Variants in FAR1 observed in about 807,000 individuals in gnomAD.
FAR1 encodes fatty acyl-CoA reductase 1, also known as male sterility domain-containing protein 2.
FAR1 carries 22 observed loss-of-function variants against 61.1 expected under a neutral mutation model. The ratio of observed to expected loss-of-function variants is 0.36; its 90% CI spans 0.26 to 0.51. FAR1 has a LOEUF of 0.51. Ranked by LOEUF, FAR1 falls within the 20% of genes least tolerant of loss-of-function variation. The pLI, the probability that FAR1 is intolerant of heterozygous loss-of-function variation, is 0.95. For missense variants in FAR1, 359 were observed against 626.9 expected (o/e 0.57, Z 4.56); for synonymous variants, 206 against 209.7 (o/e 0.98, Z 0.15).
At chr11:13,717,584 G>A (rs967609799) in intron 9 of FAR1, among the ~76,000 whole-genome samples, 21 of 152,148 alleles carry the variant, frequency 1.4e-4, no homozygotes, top group Non-Finnish European at 2.9e-5. Context: ...TGGGCTCTGT[G>A]TGCAGCCAAG....
intron 9 of FAR1, among the ~76,000 whole-genome samples, chr11:13,718,598 A>G (rs1197006937): frequency 6.6e-6 from 1 of 152,200 alleles, no homozygotes; most frequent in Non-Finnish European, 1.5e-5. Context: ...GGTTTTTATT[A>G]TAGCAGCCCC....
At chr11:13,715,169 A>G (rs897619948) in intron 9 of FAR1, among the ~76,000 whole-genome samples, 1 of 152,162 alleles carries the variant, frequency 6.6e-6, no homozygotes, top group African/African-American at 2.4e-5. Flanking sequence ...CAGTAAATAC[A>G]CTATGTATTG....
intron 1 of FAR1, among the ~76,000 whole-genome samples, chr11:13,672,339 C>T (rs1848014620): frequency 6.8e-6 from 1 of 146,312 alleles, no homozygotes; most frequent in South Asian, 2.2e-4. Context: ...CGCCTGAGCT[C>T]AAGAGTTCAA....
At chr11:13,715,600 C>T (rs559924581) in intron 9 of FAR1, among the ~76,000 whole-genome samples, 4 of 152,052 alleles carry the variant, frequency 2.6e-5, no homozygotes, top group Non-Finnish European at 5.9e-5. Context: ...GACTAATTAT[C>T]CAGGTTGGGA....
rs569270829 is a variant in FAR1 at position 13,712,122 on chromosome 11, A to G, written c.887+76A>G. On this transcript the variant is annotated intron_variant, in intron 7 of 11. Transcript: ENST00000354817. ...AAGACATAGCTTTTGAGTAATGTTA[A>G]TTAATCCCTCTATCCAGATATTGCC... The G allele has an allele frequency of 1.3e-4, 134 of 1,012,426 alleles. No homozygotes were observed. In the African/African-American group the frequency reaches 1.6e-3, roughly 12 times the overall value. The allele number at this position is 1,012,426 out of a possible 1,614,324, so 62.7% of individuals were successfully genotyped here. A position where few individuals can be genotyped will look rare whatever the true frequency, so the allele number is the denominator to read the frequency against.
At chr11:13,676,968 G>C (rs1299931893) in intron 1 of FAR1, among the ~76,000 whole-genome samples, 1 of 152,192 alleles carries the variant, frequency 6.6e-6, no homozygotes, top group African/African-American at 2.4e-5. Flanking sequence ...AATTTAAAGA[G>C]TGATCAGAGA....
At chr11:13,718,030 C>T (rs1848573546) in intron 9 of FAR1, among the ~76,000 whole-genome samples, 1 of 152,316 alleles carries the variant, frequency 6.6e-6, no homozygotes, top group Non-Finnish European at 1.5e-5. Context: ...AAACCCTTCT[C>T]TATCTTGGGT....
intron 1 of FAR1, among the ~76,000 whole-genome samples, chr11:13,690,330 T>C (rs1042341968): frequency 6.6e-6 from 1 of 152,204 alleles, no homozygotes; most frequent in Non-Finnish European, 1.5e-5. Flanking sequence ...ATTACAAATA[T>C]CTTTTACTCT....
At chr11:13,684,901 A>C (rs1310596987) in intron 1 of FAR1, among the ~76,000 whole-genome samples, 1 of 152,216 alleles carries the variant, frequency 6.6e-6, no homozygotes, top group Non-Finnish European at 1.5e-5. Flanking sequence ...TTGTAGAAAC[A>C]TGTTTGAATG....
At chr11:13,683,276 C>G (rs1848148913) in intron 1 of FAR1, among the ~76,000 whole-genome samples, 1 of 151,678 alleles carries the variant, frequency 6.6e-6, no homozygotes, top group African/African-American at 2.4e-5. Flanking sequence ...GCCTGTAATC[C>G]CAGCTACTTG....
intron 5 of FAR1, 59 bp downstream of exon 5, chr11:13,710,929 G>C: frequency 6.9e-7 from 1 of 1,440,180 alleles, no homozygotes; most frequent in Non-Finnish European, 9.5e-7. Flanking sequence ...TTGTAACTCT[G>C]TATAAAAAGA....
chr11:13,671,744 A>AC (rs1017335234), intron 1 of FAR1, among the ~76,000 whole-genome samples: 3 of 152,216 alleles, frequency 2.0e-5, no homozygotes, highest in African/African-American at 4.8e-5. Context: ...GCCCAAGGTC[A>AC]CACAGCTAGG....
Position 13,729,138 on chromosome 11 carries a change from T to C in FAR1, c.*364T>C, listed in dbSNP as rs1269663390. The C allele has an allele frequency of 6.4e-6, 1 of 157,336 alleles. No individual in the cohort carries two copies. The highest frequency in any genetic ancestry group is 1.4e-5 in the Non-Finnish European group (1 of 70,924). The allele number at this position is 157,336 out of a possible 1,614,324, so 9.7% of individuals were successfully genotyped here. A position where few individuals can be genotyped will look rare whatever the true frequency, so the allele number is the denominator to read the frequency against. On this transcript the variant is annotated 3_prime_UTR_variant, in exon 12 of 12. Transcript: ENST00000354817. ...TATGCCTTAACATATAGTGAATTTC[T>C]AATTCTAATGTTCAGTGCAATGGAA...
intron 1 of FAR1, among the ~76,000 whole-genome samples, chr11:13,688,410 A>G (rs539559072): frequency 6.6e-6 from 1 of 152,120 alleles, no homozygotes; most frequent in African/African-American, 2.4e-5. Flanking sequence ...ATTTTCTGCT[A>G]TTTGGTGGTG....
At chr11:13,697,401 G>T (rs377371822) in intron 2 of FAR1, among the ~76,000 whole-genome samples, 223 of 152,206 alleles carry the variant, frequency 1.5e-3, no homozygotes, top group African/African-American at 5.2e-3. Flanking sequence ...GGCAGAGGTT[G>T]CAGTGAGTTG....
intron 1 of FAR1, chr11:13,685,710 C>T (rs1020429037): frequency 6.5e-6 from 1 of 154,018 alleles, no homozygotes; most frequent in African/African-American, 2.4e-5. Context: ...AAGAGAGAGC[C>T]TGAATTTTTT....
intron 10 of FAR1, among the ~76,000 whole-genome samples, chr11:13,726,418 T>C (rs1279649319): frequency 6.6e-6 from 1 of 152,114 alleles, no homozygotes; most frequent in Non-Finnish European, 1.5e-5. Context: ...AATATCTTTA[T>C]TTCACCTTTA....
At chr11:13,706,501 AT>A (rs1159193889) in intron 3 of FAR1, among the ~76,000 whole-genome samples, 10 of 142,332 alleles carry the variant, frequency 7.0e-5, no homozygotes, top group South Asian at 2.1e-4. Flanking sequence ...GTTTGTTTTT[AT>A]TTTTTTAATT....
In FAR1 at chr11:13,730,431, T is replaced by G. The variant is rs1848711858; in HGVS notation, c.*1657T>G. ...ATGTATATAAATATCTCTATATTCTTTGGAATGATACTAAAGTCTCTGGTC... is the reference window on the plus strand; with the variant it reads ...ATGTATATAAATATCTCTATATTCTGTGGAATGATACTAAAGTCTCTGGTC... On this transcript the variant is annotated 3_prime_UTR_variant, in exon 12 of 12. Coordinates refer to ENST00000354817, the MANE Select transcript of FAR1 (RefSeq NM_032228.6). 1 of 152,284 alleles carries G rather than the reference T, an allele frequency of 6.6e-6. No individual in the cohort carries two copies. The highest frequency in any genetic ancestry group is 2.1e-4 in the South Asian group (1 of 4,818). The allele number at this position is 152,284 out of a possible 1,614,324, so 9.4% of individuals were successfully genotyped here.
Sources: allele counts gnomAD v4.1 joint callset (sites outside exome capture counted in the v4.1 genomes callset), GRCh38; gene constraint gnomAD v4.1.1; transcripts MANE v1.5; gene names NCBI Gene and HGNC (gene_info 2026-07-23, HGNC 2026-07-21).